The following SAMD3 variants were observed in gnomAD, a reference collection of about 807,000 sequenced individuals.
The protein encoded by SAMD3 is sterile alpha motif domain containing 3, also known as sterile alpha motif domain-containing protein 3.
A neutral mutation model predicts 58.5 loss-of-function variants in SAMD3; 63 were observed. The ratio of observed to expected loss-of-function variants is 1.08; its 90% CI spans 0.88 to 1.33. The LOEUF (loss-of-function observed/expected upper bound fraction) is 1.33, where lower values mean the gene tolerates loss of function less well. Among genes scored for constraint, SAMD3 ranks in the 40% most tolerant of loss-of-function variants. The pLI, the probability that SAMD3 is intolerant of heterozygous loss-of-function variation, is 0.00. For missense variants in SAMD3, 604 were observed against 608.4 expected (o/e 0.99, Z 0.08); for synonymous variants, 220 against 210.3 (o/e 1.05, Z -0.40).
At chr6:130,204,759 C>T (rs1021292514) in intron 5 of SAMD3, among the ~76,000 whole-genome samples, 3 of 126,528 alleles carry the variant, frequency 2.4e-5, no homozygotes, top group Non-Finnish European at 4.8e-5. Flanking sequence ...AGGTGAATTT[C>T]CAGGCCTTTT....
intron 5 of SAMD3, among the ~76,000 whole-genome samples, chr6:130,185,433 A>C (rs1792843710): frequency 6.6e-6 from 1 of 151,712 alleles, no homozygotes; most frequent in African/African-American, 2.4e-5. Context: ...GGTTCAAGTG[A>C]CTCCCCTGCC....
At chr6:130,277,421 G>C (rs1408793592) in intron 2 of SAMD3, among the ~76,000 whole-genome samples, 3 of 152,192 alleles carry the variant, frequency 2.0e-5, no homozygotes, top group Non-Finnish European at 4.4e-5. Context: ...GACTTCTTTT[G>C]CTGTTATAAT....
intron 5 of SAMD3, among the ~76,000 whole-genome samples, chr6:130,208,693 G>A (rs995216372): frequency 9.2e-5 from 14 of 152,078 alleles, no homozygotes; most frequent in Non-Finnish European, 4.4e-5. Flanking sequence ...TAAGCTCAGG[G>A]CCCTCACTGA....
At chr6:130,333,121 G>C (rs1266907647) in intron 1 of SAMD3, among the ~76,000 whole-genome samples, 1 of 150,404 alleles carries the variant, frequency 6.6e-6, no homozygotes, top group Non-Finnish European at 1.5e-5. Flanking sequence ...GTGATGAGAA[G>C]GTGTAAATCA....
At chr6:130,304,651 G>T (rs532307454) in intron 2 of SAMD3, among the ~76,000 whole-genome samples, 1 of 151,718 alleles carries the variant, frequency 6.6e-6, no homozygotes, top group African/African-American at 2.4e-5. Context: ...GCTCTTTTCC[G>T]GACTCTTGGA....
chr6:130,236,170 T>C (rs544076596), intron 2 of SAMD3, among the ~76,000 whole-genome samples: 3 of 152,358 alleles, frequency 2.0e-5, no homozygotes, highest in African/African-American at 7.2e-5. Context: ...TTTTATTTAA[T>C]AGCAAAACAC....
intron 2 of SAMD3, among the ~76,000 whole-genome samples, chr6:130,283,651 C>T (rs778416806): frequency 3.7e-4 from 56 of 152,038 alleles, no homozygotes; most frequent in Non-Finnish European, 7.5e-4. Context: ...ATAAATTATA[C>T]AAACTGTCAT....
intron 2 of SAMD3, among the ~76,000 whole-genome samples, chr6:130,276,261 G>A (rs1483737479): frequency 2.0e-5 from 3 of 152,118 alleles, no homozygotes; most frequent in Non-Finnish European, 2.9e-5. Context: ...TTTTAGCTCA[G>A]AAAACCTCTG....
chr6:130,331,331 A>C (rs962111357), intron 1 of SAMD3, among the ~76,000 whole-genome samples: 71 of 152,376 alleles, frequency 4.7e-4, no homozygotes, highest in African/African-American at 1.7e-3. Flanking sequence ...TTATATCCAG[A>C]AAATAAGATT....
At chr6:130,246,949 T>C (rs1305420378) in intron 2 of SAMD3, among the ~76,000 whole-genome samples, 1 of 152,160 alleles carries the variant, frequency 6.6e-6, no homozygotes, top group African/African-American at 2.4e-5. Flanking sequence ...TTTCAATATA[T>C]ATTACTTTAA....
chr6:130,304,154 A>G (rs1031910507), intron 2 of SAMD3, among the ~76,000 whole-genome samples: 1 of 152,108 alleles, frequency 6.6e-6, no homozygotes, highest in Non-Finnish European at 1.5e-5. Context: ...CGGTTAAACA[A>G]TGGTTTTGTC....
chr6:130,179,127 A>T (rs1287256688), intron 7 of SAMD3, among the ~76,000 whole-genome samples: 1 of 152,206 alleles, frequency 6.6e-6, no homozygotes, highest in Non-Finnish European at 1.5e-5. Flanking sequence ...GGACATTTTT[A>T]AATTGCCAAT....
chr6:130,208,870 AG>A (rs1795294877), intron 5 of SAMD3, among the ~76,000 whole-genome samples: 1 of 152,186 alleles, frequency 6.6e-6, no homozygotes, highest in Non-Finnish European at 1.5e-5. Context: ...GGTGTCAAAA[AG>A]GTTGGGAACC....
At chr6:130,147,820 C>A (rs1223170237) in intron 9 of SAMD3, among the ~76,000 whole-genome samples, 3 of 152,188 alleles carry the variant, frequency 2.0e-5, no homozygotes, top group Non-Finnish European at 4.4e-5. Context: ...TTGTTAGTTT[C>A]CTTGACGGTT....
chr6:130,212,854 C>G (rs1795686480), intron 4 of SAMD3, among the ~76,000 whole-genome samples: 1 of 152,234 alleles, frequency 6.6e-6, no homozygotes, highest in East Asian at 1.9e-4. Flanking sequence ...ACTTTGATCT[C>G]TCTTTCAGGT....
At chr6:130,347,411 C>T (rs552932132) in intron 1 of SAMD3, among the ~76,000 whole-genome samples, 3 of 152,196 alleles carry the variant, frequency 2.0e-5, no homozygotes, top group East Asian at 3.9e-4. Flanking sequence ...AACAATGGCA[C>T]GAGAACTATG....
intron 1 of SAMD3, among the ~76,000 whole-genome samples, chr6:130,357,118 C>CT (rs1169066063): frequency 0.058 from 5,298 of 91,704 alleles, 434 homozygotes; most frequent in African/African-American, 0.12. Context: ...GCCATGGCAT[C>CT]TTTTTTTTTT....
rs111565815 is a variant in SAMD3 at position 130,305,051 on chromosome 6, C to G, written c.-188+7927G>C. ...CTGTGTTCAAGTGATTGTCATGCCT[C>G]AGCCTTTCAAGTAGCTGGGACCACA... On this transcript the variant is annotated intron_variant, in intron 2 of 13. Transcript: ENST00000368134. 2.0e-3 allele frequency among the ~76,000 whole-genome samples: 302 copies of G among 149,780 alleles called. 1 individual carries two copies. Among genetic ancestry groups the G allele is most frequent in the African/African-American group, 7.2e-3 (293 of 40,736 alleles).
At chr6:130,275,592 G>C (rs1400250385) in intron 2 of SAMD3, among the ~76,000 whole-genome samples, 1 of 151,986 alleles carries the variant, frequency 6.6e-6, no homozygotes, top group Non-Finnish European at 1.5e-5. Flanking sequence ...ATATAAATTT[G>C]AGTTTATTAA....
Sources: allele counts gnomAD v4.1 joint callset (sites outside exome capture counted in the v4.1 genomes callset), GRCh38; gene constraint gnomAD v4.1.1; transcripts MANE v1.5; gene names NCBI Gene and HGNC (gene_info 2026-07-23, HGNC 2026-07-21).